SESTD1: variants seen among roughly 807,000 people sequenced by gnomAD.
SESTD1 encodes SEC14 and spectrin domain containing 1, also known as SEC14 domain and spectrin repeat-containing protein 1.
SESTD1 carries 43 observed loss-of-function variants against 101.7 expected under a neutral mutation model. That is an observed-to-expected ratio of 0.42 (90% CI 0.33 to 0.55). The LOEUF (loss-of-function observed/expected upper bound fraction) is 0.55, where lower values mean the gene tolerates loss of function less well. SESTD1 is among the 20% of genes least tolerant of loss of function. The probability of loss-of-function intolerance (pLI) is 0.07; values close to 1 mark genes in which losing one functional copy is unlikely to be tolerated. For synonymous variants in SESTD1, 283 were observed against 286.8 expected, an observed-to-expected ratio of 0.99 and a Z score of 0.13; for missense variants, 647 against 815.1, an observed-to-expected ratio of 0.79 and a Z score of 2.51.
intron 1 of SESTD1, among the ~76,000 whole-genome samples, chr2:179,244,347 T>C (rs2047199278): frequency 6.6e-6 from 1 of 151,730 alleles, no homozygotes; most frequent in Admixed American, 6.6e-5. Context: ...TAGTCCTAGC[T>C]ACTCGGGAGG....
At chr2:179,262,911 T>C (rs1178632572) in intron 1 of SESTD1, among the ~76,000 whole-genome samples, 2 of 152,214 alleles carry the variant, frequency 1.3e-5, no homozygotes, top group Non-Finnish European at 2.9e-5. Context: ...CTGCATTCTG[T>C]TGTCAGATTC....
At position 179,104,489 on chromosome 2, in the gene SESTD1, G is replaced by A. The variant is rs1328166994; in HGVS notation, c.*5410C>T. 1 of 152,016 alleles carries A rather than the reference G, an allele frequency of 6.6e-6. No homozygotes were observed. Among genetic ancestry groups the A allele is most frequent in the Admixed American group, 6.6e-5 (1 of 15,248 alleles). The allele number at this position is 152,016 out of a possible 1,614,324, so 9.4% of individuals were successfully genotyped here. On this transcript the variant is annotated 3_prime_UTR_variant, in exon 18 of 18. Transcript: ENST00000428443. The stretch of plus-strand genomic sequence containing the variant: ...TGAGGCTTGGTCATAAATAGTGAGT[G>A]GTCTACTGTGTTCTGAGTGGAAAGG...
chr2:179,171,367 T>C (rs986583284), intron 5 of SESTD1, among the ~76,000 whole-genome samples: 3 of 152,176 alleles, frequency 2.0e-5, no homozygotes, highest in Non-Finnish European at 2.9e-5. Context: ...TACACTGATA[T>C]TGACCTCGGT....
chr2:179,115,167 T>G lies in SESTD1; in HGVS notation c.1737A>C (p.Thr579=), dbSNP rs764602539. ...LRCTSRSSGD[T]LPRLNRVWKQ... The stretch of plus-strand genomic sequence containing the variant: ...TCCATACTCTGTTCAGTCGAGGAAG[T>G]GTATCCCCAGATGACCGAGAAGTGC... Residue 579 remains threonine (T), a synonymous_variant, in exon 16 of 18, where the codon ACA becomes ACC. Coordinates refer to ENST00000428443, the MANE Select transcript of SESTD1 (RefSeq NM_178123.5). 1 of 1,614,020 alleles carries G rather than the reference T, an allele frequency of 6.2e-7. No homozygotes were observed. The highest frequency in any genetic ancestry group is 1.7e-5 in the Admixed American group (1 of 59,998).
chr2:179,144,188 C>T (rs1282997168), intron 8 of SESTD1, among the ~76,000 whole-genome samples: 1 of 151,778 alleles, frequency 6.6e-6, no homozygotes, highest in Non-Finnish European at 1.5e-5. Context: ...CCAAACAATC[C>T]TATTTCCCTG....
At position 179,122,607 on chromosome 2, in the gene SESTD1, T is replaced by G. The variant is rs1313273012; in HGVS notation, c.1283-678A>C. Among the ~76,000 whole-genome samples the G allele has an allele frequency of 1.6e-4, 25 of 152,240 alleles. 2 individuals carry two copies. Among genetic ancestry groups the G allele is most frequent in the Admixed American group, 1.6e-3 (25 of 15,280 alleles). ...TACCATCTGTTAAAATAACAGAGGC[T>G]GGCCAGGTGCGCTGGCTCATGCCTG... On this transcript the variant is annotated intron_variant, in intron 12 of 17. Coordinates refer to ENST00000428443, the MANE Select transcript of SESTD1 (RefSeq NM_178123.5).
intron 4 of SESTD1, 62 bp downstream of exon 4, chr2:179,176,386 T>G: frequency 7.6e-7 from 1 of 1,321,284 alleles, no homozygotes; most frequent in Non-Finnish European, 1.1e-6. Flanking sequence ...CATTTGCCAT[T>G]TTCACCAGGA....
chr2:179,155,129 T>TGGTCTCA (rs1405927817), intron 5 of SESTD1, among the ~76,000 whole-genome samples: 1 of 152,026 alleles, frequency 6.6e-6, no homozygotes, highest in Non-Finnish European at 1.5e-5. Context: ...TTGGCCAGGC[T>TGGTCTCA]GGTCTCACAT....
Position 179,236,440 on chromosome 2 carries a change from T to A in SESTD1, c.-26+28059A>T, listed in dbSNP as rs564619728. ...TGAGCCCAGGAGTTTGAGGTTACAA[T>A]GAGCTACAATCGTGCCACTGCACTC... is the stretch of plus-strand genomic sequence containing the variant. On this transcript the variant is annotated intron_variant, in intron 1 of 17. Transcript: ENST00000428443. Among the ~76,000 whole-genome samples, 4 of 150,998 alleles carry A rather than the reference T, an allele frequency of 2.6e-5. No homozygotes were observed. In the East Asian group the frequency reaches 7.8e-4, roughly 29 times the overall value.
chr2:179,191,671 A>G, intron 2 of SESTD1, 116 bp downstream of exon 2: 1 of 852,152 alleles, frequency 1.2e-6, no homozygotes. Context: ...ATGTCTTAGA[A>G]ATACCTTTTA....
At chr2:179,126,745 A>G (rs763910451) in intron 10 of SESTD1, among the ~76,000 whole-genome samples, 3 of 152,126 alleles carry the variant, frequency 2.0e-5, no homozygotes, top group Non-Finnish European at 4.4e-5. Flanking sequence ...CTGGATGACT[A>G]CTAGATATCT....
intron 10 of SESTD1, among the ~76,000 whole-genome samples, chr2:179,129,982 G>A (rs1327293652): frequency 6.6e-6 from 1 of 152,096 alleles, no homozygotes; most frequent in African/African-American, 2.4e-5. Context: ...CATTCAATCT[G>A]TTCCTACCTC....
chr2:179,124,398 T>C lies in SESTD1; in HGVS notation c.1133A>G (p.Gln378Arg). The C allele has an allele frequency of 6.2e-7, 1 of 1,614,082 alleles. No homozygotes were observed. Among genetic ancestry groups the C allele is most frequent in the Non-Finnish European group, 8.5e-7 (1 of 1,179,986 alleles). ...SQLEFRQNLLQAALEFHGVAQ... is the reference protein window; with the variant it reads ...SQLEFRQNLLRAALEFHGVAQ... ...AACACCATGAAATTCAAGAGCTGCT[T>C]GTAAGAGATTTTGCCTAAATTCCAG... The change falls in exon 11 of 18, where the codon CAA becomes CGA. Residue 378 changes from glutamine to arginine, a missense_variant. Gln to Arg is a conservative substitution (Grantham distance 43, BLOSUM62 1). Around this residue, in one of 3 missense-constraint regions of SESTD1, gnomAD observed 476 missense variants for 562.6 expected, o/e 0.85. Transcript: ENST00000428443.
rs2045030671 is a variant in SESTD1 at position 179,132,313 on chromosome 2, G to A, written c.963C>T (p.Ser321=). 6.4e-7 allele frequency: 1 copy of A among 1,551,336 alleles called. No homozygotes were observed. Among genetic ancestry groups the A allele is most frequent in the South Asian group, 1.2e-5 (1 of 80,674 alleles). ...GGAAAAAGCCTCTCACACTGTGCTG[G>A]CTCTCAATCTCTTCGTGTTTCTGCT... ...ALQQKHEEIE[S]QHSEWFAVYV... Residue 321 remains serine, a synonymous_variant, in exon 10 of 18, where the codon AGC becomes AGT. Coordinates refer to ENST00000428443, the MANE Select transcript of SESTD1 (RefSeq NM_178123.5).
chr2:179,159,763 A>G (rs1226006384), intron 5 of SESTD1, among the ~76,000 whole-genome samples: 1 of 152,242 alleles, frequency 6.6e-6, no homozygotes, highest in Non-Finnish European at 1.5e-5. Context: ...ATGAAAGTTT[A>G]AATATAAAGC....
intron 5 of SESTD1, among the ~76,000 whole-genome samples, chr2:179,152,892 GA>G (rs1184462766): frequency 6.6e-6 from 1 of 151,944 alleles, no homozygotes; most frequent in Non-Finnish European, 1.5e-5. Flanking sequence ...TAAGTCCAAA[GA>G]AAATAGAAGA....
chr2:179,205,244 A>T (rs1185466204), intron 1 of SESTD1, among the ~76,000 whole-genome samples: 2 of 130,746 alleles, frequency 1.5e-5, no homozygotes, highest in South Asian at 3.0e-4. Context: ...ATAAAAATGC[A>T]CATCAATACA....
intron 1 of SESTD1, among the ~76,000 whole-genome samples, chr2:179,235,579 T>C (rs1432285875): frequency 1.3e-5 from 2 of 152,228 alleles, no homozygotes; most frequent in Admixed American, 1.3e-4. Flanking sequence ...TCTTTTCCTG[T>C]ACCCTCTACA....
chr2:179,139,840 G>A, intron 9 of SESTD1, among the ~76,000 whole-genome samples: 1 of 152,044 alleles, frequency 6.6e-6, no homozygotes, highest in Non-Finnish European at 1.5e-5. Context: ...CTCCAGCTCA[G>A]AACTCCTCGA....
Sources: gnomAD v4.1 joint callset for allele counts (sites outside exome capture counted in the v4.1 genomes callset) on GRCh38, gnomAD v4.1.1 for gene constraint, gnomAD v4.1.1 regional missense constraint, MANE v1.5 for transcripts, NCBI Gene and HGNC (gene_info 2026-07-23, HGNC 2026-07-21) for gene names.